KL: variants seen among roughly 807,000 people sequenced by gnomAD.
The protein encoded by KL is klotho.
KL carries 62 observed loss-of-function variants against 84.2 expected under a neutral mutation model. That is an observed-to-expected ratio of 0.74 (90% CI 0.60 to 0.91). KL has a LOEUF of 0.91. KL is among the 40% of genes least tolerant of loss of function. KL has a pLI of 0.00. For missense variants in KL, 1,261 were observed against 1,305.7 expected, an observed-to-expected ratio of 0.97 and a Z score of 0.53; for synonymous variants, 528 against 528.0, an observed-to-expected ratio of 1.00 and a Z score of 0.00.
chr13:33,024,403 G>A lies in KL; in HGVS notation c.819+7144G>A, dbSNP rs974999086. On this transcript the variant is annotated intron_variant, in intron 1 of 4. Transcript: ENST00000380099. ...AAAGTCGACCTATCTCCCCAGCGGG[G>A]AGGGTTTAGGGTTGTCTGTGGGACC... 3.9e-5 allele frequency among the ~76,000 whole-genome samples: 6 copies of A among 152,332 alleles called. No individual in the cohort carries two copies. The East Asian group carries it at 1.2e-3, about 29-fold the overall frequency.
intron 1 of KL, among the ~76,000 whole-genome samples, chr13:33,050,085 A>G (rs1468702158): frequency 6.6e-6 from 1 of 152,222 alleles, no homozygotes; most frequent in African/African-American, 2.4e-5. Flanking sequence ...CTTTAGTTAT[A>G]CTATCATGTA....
At chr13:33,047,959 G>T (rs1397489190) in intron 1 of KL, among the ~76,000 whole-genome samples, 4 of 151,864 alleles carry the variant, frequency 2.6e-5, no homozygotes, top group Non-Finnish European at 5.9e-5. Flanking sequence ...TTCAGTTCTA[G>T]AATTTTCATG....
chr13:33,055,429 C>T, intron 3 of KL, 114 bp downstream of exon 3: 1 of 1,381,710 alleles, frequency 7.2e-7, no homozygotes, highest in Non-Finnish European at 1.0e-6. Flanking sequence ...GAGCCAAAAA[C>T]AATTCCTTAT....
At chr13:33,036,818 T>C (rs1026833658) in intron 1 of KL, among the ~76,000 whole-genome samples, 1 of 152,088 alleles carries the variant, frequency 6.6e-6, no homozygotes, top group Non-Finnish European at 1.5e-5. Flanking sequence ...AAGAGTAAAT[T>C]TTAAGTTGTG....
Position 33,016,500 on chromosome 13 carries a change from G to A in KL, c.60G>A (p.Leu20=). The change falls in exon 1 of 5, where the codon CTG becomes CTA. Residue 20 remains leucine, a synonymous_variant. Transcript: ENST00000380099. Reference sequence around the variant, plus strand: ...CGCCGCCGCCGTCGCTGTCGCTGCTGCTGGTGCTGCTGGGCCTGGGCGGCC... The same window carrying A: ...CGCCGCCGCCGTCGCTGTCGCTGCTACTGGTGCTGCTGGGCCTGGGCGGCC... ...PRPPPPSLSL[L]LVLLGLGGRR... 8.1e-7 allele frequency: 1 copy of A among 1,227,526 alleles called. No individual in the cohort carries two copies. Among genetic ancestry groups the A allele is most frequent in the Non-Finnish European group, 1.0e-6 (1 of 985,796 alleles). The allele number at this position is 1,227,526 out of a possible 1,614,324, so 76.0% of individuals were successfully genotyped here. A position where few individuals can be genotyped will look rare whatever the true frequency, so the allele number is the denominator to read the frequency against.
chr13:33,017,279 C>A lies in KL; in HGVS notation c.819+20C>A. On this transcript the variant is annotated intron_variant, in intron 1 of 4. Coordinates refer to ENST00000380099, the MANE Select transcript of KL (RefSeq NM_004795.4). Reference sequence around the variant, plus strand: ...CTCCTGGTGAGTGCGAGGGGCCAGGCGGAGGGCCACGCAGGGGAGACAGAG... The same window carrying A: ...CTCCTGGTGAGTGCGAGGGGCCAGGAGGAGGGCCACGCAGGGGAGACAGAG... The A allele has an allele frequency of 1.3e-6, 2 of 1,539,214 alleles. No homozygotes were observed. Among genetic ancestry groups the A allele is most frequent in the Non-Finnish European group, 1.7e-6 (2 of 1,147,298 alleles).
intron 3 of KL, among the ~76,000 whole-genome samples, chr13:33,060,470 T>C (rs903079076): frequency 6.6e-6 from 1 of 152,164 alleles, no homozygotes; most frequent in African/African-American, 2.4e-5. Context: ...GTTGAAGAGT[T>C]AGAACTATGG....
At chr13:33,053,515 A>C (rs1173762237) in intron 1 of KL, among the ~76,000 whole-genome samples, 1 of 152,222 alleles carries the variant, frequency 6.6e-6, no homozygotes, top group East Asian at 1.9e-4. Flanking sequence ...ATAACTACAC[A>C]CTCAACCCAA....
rs750338796 is a variant in KL at position 33,063,977 on chromosome 13, T to C, written c.2830T>C (p.Tyr944His). The change falls in exon 5 of 5, where the codon TAC becomes CAC. Residue 944 changes from tyrosine (Y) to histidine (H), a missense_variant. Physicochemically the swap from Tyr to His is moderately conservative, Grantham distance 83 (BLOSUM62 2). Transcript: ENST00000380099. ...QFEPKASMKH[Y>H]RKIIDSNGFP... ...TGAGCCCAAGGCATCCATGAAACAT[T>C]ACAGGAAAATTATTGACAGCAATGG... The C allele has an allele frequency of 6.2e-7, 1 of 1,614,142 alleles. No individual in the cohort carries two copies. The highest frequency in any genetic ancestry group is 1.3e-5 in the African/African-American group (1 of 75,022).
At chr13:33,047,967 A>C (rs994565402) in intron 1 of KL, among the ~76,000 whole-genome samples, 2 of 151,934 alleles carry the variant, frequency 1.3e-5, no homozygotes, top group Admixed American at 6.6e-5. Flanking sequence ...TAGAATTTTC[A>C]TGTTTTCTTC....
chr13:33,019,760 G>A (rs1320254204), intron 1 of KL, among the ~76,000 whole-genome samples: 1 of 113,842 alleles, frequency 8.8e-6, no homozygotes, highest in Non-Finnish European at 2.0e-5. Flanking sequence ...AGAGAGAGGA[G>A]ACAGAAGAGA....
At chr13:33,028,396 A>G (rs914974343) in intron 1 of KL, among the ~76,000 whole-genome samples, 1 of 152,214 alleles carries the variant, frequency 6.6e-6, no homozygotes, top group Non-Finnish European at 1.5e-5. Context: ...AGTCCCAAAA[A>G]ATAAATCTTC....
rs1226364700 is a variant in KL at position 33,044,635 on chromosome 13, ATTTTCTTTT to A, written c.820-9127_820-9119del. Reference sequence around the variant, plus strand: ...TTCTGTTCATATATAAATGCAATTGATTTTCTTTTTTTTTTTTTTTTTTTTTTTTTTTTG... The same window carrying A: ...TTCTGTTCATATATAAATGCAATTGATTTTTTTTTTTTTTTTTTTTTTTTG... On this transcript the variant is annotated intron_variant, in intron 1 of 4. Transcript: ENST00000380099. Among the ~76,000 whole-genome samples, 152 of 72,306 alleles carry A rather than the reference ATTTTCTTTT, an allele frequency of 2.1e-3. 2 individuals are homozygous for A. The highest frequency in any genetic ancestry group is 5.7e-3 in the African/African-American group (136 of 23,960). 47.4% of individuals were successfully genotyped at this position (72,306 alleles called of 152,430 possible).
In KL at chr13:33,055,072, C is replaced by T; in HGVS notation, c.1356C>T (p.Val452=). Residue 452 remains valine (V), a synonymous_variant, in exon 3 of 5, where the codon GTC becomes GTT. Transcript: ENST00000380099. ...CCATCAAGCTGGATGGGGTGGATGTCATCGGGTATACCGCATGGTCCCTCA... is the reference window on the plus strand; with the variant it reads ...CCATCAAGCTGGATGGGGTGGATGTTATCGGGTATACCGCATGGTCCCTCA... ...LKAIKLDGVD[V]IGYTAWSLMD... is the part of the protein sequence containing the mutation. 6 of 1,614,180 alleles carry T rather than the reference C, an allele frequency of 3.7e-6. No homozygotes were observed. The highest frequency in any genetic ancestry group is 5.1e-6 in the Non-Finnish European group (6 of 1,180,036).
chr13:33,046,252 A>C (rs1667840469), intron 1 of KL, among the ~76,000 whole-genome samples: 3 of 152,204 alleles, frequency 2.0e-5, no homozygotes, highest in Admixed American at 2.0e-4. Flanking sequence ...ACAATTCACT[A>C]TTAAAGCCAC....
intron 2 of KL, among the ~76,000 whole-genome samples, chr13:33,054,846 T>C (rs571455026): frequency 6.6e-6 from 1 of 152,324 alleles, no homozygotes; most frequent in South Asian, 2.1e-4. Flanking sequence ...ACATATTAGA[T>C]AGGCCAATTT....
intron 3 of KL, among the ~76,000 whole-genome samples, chr13:33,055,634 T>A (rs1222162922): frequency 6.6e-6 from 1 of 151,912 alleles, no homozygotes; most frequent in African/African-American, 2.4e-5. Flanking sequence ...GGCAGTTGAG[T>A]TTTTTCATGA....
intron 1 of KL, among the ~76,000 whole-genome samples, chr13:33,039,368 A>G (rs534420976): frequency 5.3e-5 from 8 of 152,322 alleles, no homozygotes; most frequent in African/African-American, 1.9e-4. Context: ...TAAATATTTG[A>G]GTGAAAGGAT....
intron 3 of KL, among the ~76,000 whole-genome samples, chr13:33,056,533 C>T (rs1250549833): frequency 1.3e-5 from 2 of 152,000 alleles, no homozygotes; most frequent in African/African-American, 2.4e-5. Flanking sequence ...GACTGGCTCA[C>T]GCCTGTAATC....
Sources: allele counts gnomAD v4.1 joint callset (sites outside exome capture counted in the v4.1 genomes callset), GRCh38; gene constraint gnomAD v4.1.1; transcripts MANE v1.5; gene names NCBI Gene and HGNC (gene_info 2026-07-23, HGNC 2026-07-21).